The following DLGAP2 variants were observed in gnomAD, a reference collection of about 807,000 sequenced individuals.
The protein encoded by DLGAP2 is DLG associated protein 2.
In DLGAP2, 26 loss-of-function variants were observed where a neutral mutation model predicts 100.3. That is an observed-to-expected ratio of 0.26 (90% CI 0.19 to 0.36). The LOEUF is 0.36. DLGAP2 is among the 10% of genes least tolerant of loss of function. DLGAP2 has a pLI of 1.00. For synonymous variants in DLGAP2, 886 were observed against 630.1 expected (o/e 1.41, Z -6.08); for missense variants, 1,858 against 1,453.2 (o/e 1.28, Z -4.53).
intron 2 of DLGAP2, among the ~76,000 whole-genome samples, chr8:911,430 G>A (rs927759694): frequency 6.6e-6 from 1 of 152,180 alleles, no homozygotes; most frequent in Non-Finnish European, 1.5e-5. Flanking sequence ...AATGTTGGAA[G>A]GATGGTTGTA....
chr8:1,188,584 C>G (rs952908307), intron 2 of DLGAP2, among the ~76,000 whole-genome samples: 16 of 151,962 alleles, frequency 1.1e-4, no homozygotes, highest in Non-Finnish European at 1.8e-4. Context: ...CTCACGGAAT[C>G]TCACACACCC....
chr8:877,904 G>C (rs1050945433), intron 1 of DLGAP2, among the ~76,000 whole-genome samples: 2 of 152,230 alleles, frequency 1.3e-5, no homozygotes, highest in East Asian at 1.9e-4. Flanking sequence ...ATCCCAAGTG[G>C]AGTCTCTTGA....
intron 14 of DLGAP2, among the ~76,000 whole-genome samples, chr8:1,698,040 C>G (rs1799449060): frequency 6.6e-6 from 1 of 152,214 alleles, no homozygotes; most frequent in South Asian, 2.1e-4. Context: ...AAGTCAGCAT[C>G]CTTTGGGGAA....
At chr8:847,698 G>A (rs1159025005) in intron 1 of DLGAP2, among the ~76,000 whole-genome samples, 1 of 151,954 alleles carries the variant, frequency 6.6e-6, no homozygotes, top group African/African-American at 2.4e-5. Context: ...GTAGAGACAG[G>A]GTTTCACCAT....
At chr8:1,409,574 C>A (rs1796672046) in intron 3 of DLGAP2, among the ~76,000 whole-genome samples, 1 of 151,400 alleles carries the variant, frequency 6.6e-6, no homozygotes, top group South Asian at 2.1e-4. Flanking sequence ...TGAATCTTCT[C>A]CGTCACCTAG....
At chr8:1,254,520 C>T (rs928170169) in intron 2 of DLGAP2, among the ~76,000 whole-genome samples, 4 of 152,150 alleles carry the variant, frequency 2.6e-5, no homozygotes, top group African/African-American at 9.7e-5. Context: ...CATGAACTTA[C>T]CGTGGGGCGC....
At chr8:1,439,874 C>A (rs1232383375) in intron 3 of DLGAP2, among the ~76,000 whole-genome samples, 2 of 152,144 alleles carry the variant, frequency 1.3e-5, no homozygotes, top group African/African-American at 4.8e-5. Context: ...TGTGAAGAGA[C>A]ATGAGACTGT....
intron 2 of DLGAP2, among the ~76,000 whole-genome samples, chr8:993,713 T>C (rs1800697217): frequency 1.3e-5 from 2 of 151,606 alleles, no homozygotes; most frequent in East Asian, 1.9e-4. Context: ...GGGATATTTA[T>C]ATTTCAACAT....
intron 2 of DLGAP2, among the ~76,000 whole-genome samples, chr8:915,831 CTCT>C (rs1281929906): frequency 2.7e-5 from 4 of 148,712 alleles, no homozygotes; most frequent in African/African-American, 1.0e-4. Context: ...TCTCCCCACT[CTCT>C]TTTTTGTGTC....
At chr8:1,652,577 G>A (rs1798192007) in intron 8 of DLGAP2, among the ~76,000 whole-genome samples, 1 of 152,288 alleles carries the variant, frequency 6.6e-6, no homozygotes, top group South Asian at 2.1e-4. Flanking sequence ...ACAAGGTAGA[G>A]AATAAAACCC....
At chr8:843,269 A>G (rs2132719332) in intron 1 of DLGAP2, among the ~76,000 whole-genome samples, 1 of 152,232 alleles carries the variant, frequency 6.6e-6, no homozygotes, top group East Asian at 1.9e-4. Flanking sequence ...GACTTCTGAG[A>G]TTTCCTGGCT....
At chr8:987,580 C>G (rs1300277377) in intron 2 of DLGAP2, among the ~76,000 whole-genome samples, 1 of 152,142 alleles carries the variant, frequency 6.6e-6, no homozygotes, top group Non-Finnish European at 1.5e-5. Flanking sequence ...GGAAACTCAG[C>G]CAGCAAACAA....
chr8:810,194 C>G (rs571830002), intron 1 of DLGAP2, among the ~76,000 whole-genome samples: 1 of 152,340 alleles, frequency 6.6e-6, no homozygotes, highest in East Asian at 1.9e-4. Flanking sequence ...ATGCTGTTTA[C>G]TCTCCCCACT....
intron 3 of DLGAP2, among the ~76,000 whole-genome samples, chr8:1,376,405 C>G (rs907039696): frequency 6.6e-6 from 1 of 152,264 alleles, no homozygotes; most frequent in African/African-American, 2.4e-5. Context: ...TTGAAAAGCG[C>G]CCCGCTGCAT....
At chr8:854,579 T>C (rs1316808861) in intron 1 of DLGAP2, among the ~76,000 whole-genome samples, 1 of 149,994 alleles carries the variant, frequency 6.7e-6, no homozygotes, top group Non-Finnish European at 1.5e-5. Context: ...CATATGTTTG[T>C]GTGTTCATGT....
At position 1,213,463 on chromosome 8, in the gene DLGAP2, G is replaced by T. The variant is rs528669864; in HGVS notation, c.74-45388G>T. Among the ~76,000 whole-genome samples the T allele has an allele frequency of 2.6e-5, 4 of 152,186 alleles. No homozygotes were observed. In the South Asian group the frequency reaches 8.3e-4, roughly 32 times the overall value. On this transcript the variant is annotated intron_variant, in intron 2 of 14. Coordinates refer to ENST00000637795, the MANE Select transcript of DLGAP2 (RefSeq NM_001346810.2). ...CATCCTTAATGTCCTTAATGTCCCA[G>T]AGTACTCACCATATTGCTCACATTA...
At chr8:1,180,994 G>C (rs1227984429) in intron 2 of DLGAP2, among the ~76,000 whole-genome samples, 1 of 30,134 alleles carries the variant, frequency 3.3e-5, no homozygotes, top group Non-Finnish European at 6.9e-5. Flanking sequence ...AGTGTGGGTG[G>C]CTGTGCAAGG....
At position 1,408,707 on chromosome 8, in the gene DLGAP2, C is replaced by A. The variant is rs193195150; in HGVS notation, c.107-92659C>A. Among the ~76,000 whole-genome samples, 124 of 152,258 alleles carry A rather than the reference C, an allele frequency of 8.1e-4. 2 individuals carry two copies. Among genetic ancestry groups the A allele is most frequent in the African/African-American group, 2.9e-3 (120 of 41,552 alleles). On this transcript the variant is annotated intron_variant, in intron 3 of 14. Coordinates refer to ENST00000637795, the MANE Select transcript of DLGAP2 (RefSeq NM_001346810.2). ...GTCCTTGTTTCAGGCTTTCACAGGACAGTGCAGAGGGTTTTCTGGTGAAAG... is the reference window on the plus strand; with the variant it reads ...GTCCTTGTTTCAGGCTTTCACAGGAAAGTGCAGAGGGTTTTCTGGTGAAAG...
chr8:1,116,252 G>A (rs1805114295), intron 2 of DLGAP2, among the ~76,000 whole-genome samples: 1 of 152,120 alleles, frequency 6.6e-6, no homozygotes, highest in African/African-American at 2.4e-5. Context: ...CATGCTCTTG[G>A]GTTTTCTGTA....
Sources: gnomAD v4.1 joint callset for allele counts (sites outside exome capture counted in the v4.1 genomes callset) on GRCh38, gnomAD v4.1.1 for gene constraint, MANE v1.5 for transcripts, NCBI Gene and HGNC (gene_info 2026-07-23, HGNC 2026-07-21) for gene names.